The following SH3RF3 variants were observed in gnomAD, a reference collection of about 807,000 sequenced individuals.
SH3RF3 encodes the protein SH3 domain containing ring finger 3.
A neutral mutation model predicts 66.3 loss-of-function variants in SH3RF3; 29 were observed. The ratio of observed to expected loss-of-function variants is 0.44; its 90% confidence interval spans 0.33 to 0.60. The LOEUF (loss-of-function observed/expected upper bound fraction) is 0.60. SH3RF3 is among the 20% of genes least tolerant of loss of function. The pLI is 0.04. For synonymous variants in SH3RF3, 583 were observed against 532.0 expected, an observed-to-expected ratio of 1.10 and a Z score of -1.32; for missense variants, 1,194 against 1,190.9, an observed-to-expected ratio of 1.00 and a Z score of -0.04.
At chr2:109,323,993 A>G (rs1682091298) in intron 1 of SH3RF3, among the ~76,000 whole-genome samples, 1 of 152,192 alleles carries the variant, frequency 6.6e-6, no homozygotes. Flanking sequence ...GCCCCTGGAA[A>G]ACACTAATGT....
chr2:109,353,364 TG>T (rs1167087379), intron 2 of SH3RF3, among the ~76,000 whole-genome samples: 1 of 152,142 alleles, frequency 6.6e-6, no homozygotes, highest in African/African-American at 2.4e-5. Context: ...CTGCTGGAGG[TG>T]GGGGCTACCC....
At chr2:109,131,679 G>A (rs919783577) in intron 1 of SH3RF3, among the ~76,000 whole-genome samples, 3 of 152,188 alleles carry the variant, frequency 2.0e-5, no homozygotes, top group Non-Finnish European at 2.9e-5. Context: ...GGCATTTGTA[G>A]TACCTTTTAG....
intron 8 of SH3RF3, among the ~76,000 whole-genome samples, chr2:109,467,568 AG>A (rs1028497170): frequency 6.6e-6 from 1 of 152,234 alleles, no homozygotes; most frequent in Non-Finnish European, 1.5e-5. Context: ...GGGCTGCTGC[AG>A]GGGGATCTGC....
intron 1 of SH3RF3, among the ~76,000 whole-genome samples, chr2:109,210,784 A>G (rs1678956781): frequency 6.6e-6 from 1 of 152,242 alleles, no homozygotes; most frequent in Non-Finnish European, 1.5e-5. Flanking sequence ...TTCTCTGGCA[A>G]GCACGACCTA....
At chr2:109,141,055 G>A (rs1421006470) in intron 1 of SH3RF3, among the ~76,000 whole-genome samples, 3 of 152,170 alleles carry the variant, frequency 2.0e-5, no homozygotes, top group African/African-American at 7.2e-5. Flanking sequence ...TACATCAGTT[G>A]TATTGAAGGG....
chr2:109,460,109 C>T (rs1385893811), intron 8 of SH3RF3, among the ~76,000 whole-genome samples: 2 of 152,326 alleles, frequency 1.3e-5, no homozygotes, highest in African/African-American at 4.8e-5. Flanking sequence ...CACACGAGCC[C>T]ATTGCTGCAC....
chr2:109,157,660 A>G (rs1266277276), intron 1 of SH3RF3, among the ~76,000 whole-genome samples: 1 of 152,208 alleles, frequency 6.6e-6, no homozygotes, highest in African/African-American at 2.4e-5. Context: ...GGATATAAAG[A>G]TGTGATTCAG....
At chr2:109,316,049 T>C (rs1681872300) in intron 1 of SH3RF3, among the ~76,000 whole-genome samples, 1 of 152,154 alleles carries the variant, frequency 6.6e-6, no homozygotes, top group Non-Finnish European at 1.5e-5. Flanking sequence ...TTCCCAGTAT[T>C]TAGAGATTAG....
intron 8 of SH3RF3, among the ~76,000 whole-genome samples, chr2:109,468,755 G>C (rs1162424779): frequency 2.0e-5 from 3 of 150,982 alleles, no homozygotes; most frequent in African/African-American, 7.3e-5. Context: ...TCAGGAGGCT[G>C]AGGCAGGTTA....
At chr2:109,389,846 G>A (rs1675934448) in intron 3 of SH3RF3, among the ~76,000 whole-genome samples, 1 of 151,948 alleles carries the variant, frequency 6.6e-6, no homozygotes, top group Non-Finnish European at 1.5e-5. Context: ...TCAGAGAACA[G>A]GTCAGAGCCC....
chr2:109,298,259 T>C (rs1454322701), intron 1 of SH3RF3, among the ~76,000 whole-genome samples: 1 of 152,102 alleles, frequency 6.6e-6, no homozygotes, highest in Non-Finnish European at 1.5e-5. Context: ...ATCTCAGCTA[T>C]GTCCCCGAGG....
intron 1 of SH3RF3, among the ~76,000 whole-genome samples, chr2:109,284,559 T>C (rs1229154213): frequency 1.3e-5 from 2 of 152,340 alleles, no homozygotes; most frequent in Middle Eastern, 3.4e-3. Context: ...GTTTGAATTA[T>C]GTGTGGAGCA....
At chr2:109,180,908 C>T (rs985427450) in intron 1 of SH3RF3, among the ~76,000 whole-genome samples, 3 of 152,230 alleles carry the variant, frequency 2.0e-5, no homozygotes, top group African/African-American at 7.2e-5. Flanking sequence ...CCACCCCATG[C>T]AGAGAGCTCT....
At chr2:109,419,855 T>C (rs1342131416) in intron 5 of SH3RF3, among the ~76,000 whole-genome samples, 2 of 152,236 alleles carry the variant, frequency 1.3e-5, no homozygotes, top group Non-Finnish European at 2.9e-5. Context: ...GGACATTTCT[T>C]CTAAGCAGGG....
chr2:109,142,304 A>C lies in SH3RF3; in HGVS notation c.573+12191A>C, dbSNP rs188090794. ...GGTGTTCTCAGGAATAGGTGTTTAC[A>C]GTCTTATTTTTTCTTAAAAATTCCC... On this transcript the variant is annotated intron_variant, in intron 1 of 9. Transcript: ENST00000309415. Among the ~76,000 whole-genome samples, 11 of 152,260 alleles carry C rather than the reference A, an allele frequency of 7.2e-5. No homozygotes were observed. In the East Asian group the frequency reaches 1.5e-3, roughly 21 times the overall value.
chr2:109,166,183 A>G (rs1677616608), intron 1 of SH3RF3, among the ~76,000 whole-genome samples: 2 of 152,056 alleles, frequency 1.3e-5, no homozygotes, highest in Non-Finnish European at 2.9e-5. Flanking sequence ...TCAGTGTTTC[A>G]AAGGAAAGAT....
Position 109,368,718 on chromosome 2 carries a change from AAAAAAG to A in SH3RF3, c.850-2852_850-2847del, listed in dbSNP as rs1270584374. Among the ~76,000 whole-genome samples, 401 of 150,880 alleles carry A rather than the reference AAAAAAG, an allele frequency of 2.7e-3. 4 individuals are homozygous for A. Among genetic ancestry groups the A allele is most frequent in the African/African-American group, 9.1e-3 (378 of 41,324 alleles). ...TCATGGTATTTTCTTTAAAAAAAAA[AAAAAAG>A]AAAAAGAAAAAGAAAGAACGAAAGA... On this transcript the variant is annotated intron_variant, in intron 2 of 9. Transcript: ENST00000309415.
chr2:109,146,924 T>A lies in SH3RF3; in HGVS notation c.573+16811T>A, dbSNP rs531991425. ...CCCGCCCCAATATCCTATGAAGGCCTCAGAGTCCTGTTAGAAAACACTTCT... is the reference window on the plus strand; with the variant it reads ...CCCGCCCCAATATCCTATGAAGGCCACAGAGTCCTGTTAGAAAACACTTCT... On this transcript the variant is annotated intron_variant, in intron 1 of 9. Transcript: ENST00000309415. 2.3e-4 allele frequency among the ~76,000 whole-genome samples: 27 copies of A among 115,646 alleles called. 1 individual carries two copies. The South Asian group carries it at 8.3e-3, about 36-fold the overall frequency. 75.9% of individuals were successfully genotyped at this position (115,646 alleles called of 152,430 possible).
intron 5 of SH3RF3, among the ~76,000 whole-genome samples, chr2:109,424,382 C>T (rs1676975001): frequency 6.6e-6 from 1 of 152,214 alleles, no homozygotes; most frequent in Non-Finnish European, 1.5e-5. Flanking sequence ...TCCCTGGACC[C>T]TGTCCAGTGG....
Sources: gnomAD v4.1 joint callset for allele counts (sites outside exome capture counted in the v4.1 genomes callset) on GRCh38, gnomAD v4.1.1 for gene constraint, MANE v1.5 for transcripts, NCBI Gene and HGNC (gene_info 2026-07-23, HGNC 2026-07-21) for gene names.